Variants in KCTD16 observed in about 807,000 individuals in gnomAD.
KCTD16 encodes the protein potassium channel tetramerization domain containing 16, also known as BTB/POZ domain-containing protein KCTD16.
KCTD16 carries 13 observed loss-of-function variants against 33.2 expected under a neutral mutation model. The ratio of observed to expected loss-of-function variants is 0.39; its 90% confidence interval spans 0.25 to 0.62. The LOEUF (loss-of-function observed/expected upper bound fraction) is 0.62. Ranked by LOEUF, KCTD16 falls within the 20% of genes least tolerant of loss-of-function variation. The pLI is 0.50. For missense variants in KCTD16, 441 were observed against 525.1 expected, an observed-to-expected ratio of 0.84 and a Z score of 1.57; for synonymous variants, 197 against 195.3, an observed-to-expected ratio of 1.01 and a Z score of -0.07.
chr5:144,484,989 C>T lies in KCTD16; in HGVS notation c.*10875C>T, dbSNP rs963407696. On this transcript the variant is annotated 3_prime_UTR_variant, in exon 4 of 4. Transcript: ENST00000512467. ...GTATAAACATCATTAATTATGGACT[C>T]ACATGAATGCATGTCTACATGTCGT... 3 of 151,890 alleles carry T rather than the reference C, an allele frequency of 2.0e-5. No homozygotes were observed. Among genetic ancestry groups the T allele is most frequent in the African/African-American group, 7.2e-5 (3 of 41,394 alleles). The allele number at this position is 151,890 out of a possible 1,614,324, so 9.4% of individuals were successfully genotyped here.
At chr5:144,457,419 A>G (rs2126989515) in intron 3 of KCTD16, among the ~76,000 whole-genome samples, 1 of 152,296 alleles carries the variant, frequency 6.6e-6, no homozygotes, top group South Asian at 2.1e-4. Context: ...AGCCCTGGAG[A>G]AGGAACAACT....
chr5:144,472,956 C>T (rs1754510765), intron 3 of KCTD16, among the ~76,000 whole-genome samples: 2 of 152,324 alleles, frequency 1.3e-5, no homozygotes, highest in South Asian at 2.1e-4. Context: ...AATCTCAGCT[C>T]TGCCACTTTC....
intron 3 of KCTD16, among the ~76,000 whole-genome samples, chr5:144,409,732 G>T (rs1386785274): frequency 1.3e-5 from 2 of 152,020 alleles, no homozygotes; most frequent in South Asian, 4.2e-4. Flanking sequence ...GGTGGGAATT[G>T]CTTGAAAGCA....
rs1326254438 is a variant in KCTD16, at chr5:144,479,586, G to C, written c.*5472G>C. 6.6e-6 allele frequency: 1 copy of C among 151,794 alleles called. No individual in the cohort carries two copies. The highest frequency in any genetic ancestry group is 1.5e-5 in the Non-Finnish European group (1 of 67,870). The allele number at this position is 151,794 out of a possible 1,614,324, so 9.4% of individuals were successfully genotyped here. On this transcript the variant is annotated 3_prime_UTR_variant, in exon 4 of 4. Coordinates refer to ENST00000512467, the MANE Select transcript of KCTD16 (RefSeq NM_020768.4). The stretch of plus-strand genomic sequence containing the variant: ...AAAGTGAAGGATGTTTAATGAAACT[G>C]ATGAACATGAGCAACTAATTATGTT...
At chr5:144,254,506 G>C (rs1754792860) in intron 3 of KCTD16, among the ~76,000 whole-genome samples, 1 of 151,922 alleles carries the variant, frequency 6.6e-6, no homozygotes, top group South Asian at 2.1e-4. Context: ...TGACTTACAT[G>C]CCCTTAAAAA....
At chr5:144,241,317 T>C (rs1043117875) in intron 3 of KCTD16, among the ~76,000 whole-genome samples, 3 of 152,174 alleles carry the variant, frequency 2.0e-5, no homozygotes, top group African/African-American at 7.2e-5. Context: ...AAACACAGCT[T>C]TCATGATGGG....
chr5:144,455,429 G>A (rs1406188731), intron 3 of KCTD16, among the ~76,000 whole-genome samples: 1 of 152,130 alleles, frequency 6.6e-6, no homozygotes, highest in African/African-American at 2.4e-5. Context: ...TTCTTGTGGT[G>A]AATATCACAT....
In KCTD16 at chr5:144,207,124, G is replaced by A; in HGVS notation, c.410G>A (p.Ser137Asn). The A allele has an allele frequency of 6.2e-7, 1 of 1,610,866 alleles. No individual in the cohort carries two copies. The highest frequency in any genetic ancestry group is 8.5e-7 in the Non-Finnish European group (1 of 1,178,584). The change falls in exon 3 of 4, where the codon AGT becomes AAT. Residue 137 changes from serine to asparagine, a missense_variant. Coordinates refer to ENST00000512467, the MANE Select transcript of KCTD16 (RefSeq NM_020768.4). ...CAAAGCCCAGATGAATTCTGCCACA[G>A]TGACTTTGAAGATGCCTCCCAAGGA... Reference protein sequence around the residue: ...IKQSPDEFCHSDFEDASQGSD... With the variant: ...IKQSPDEFCHNDFEDASQGSD...
chr5:144,382,165 T>A (rs1454199533), intron 3 of KCTD16, among the ~76,000 whole-genome samples: 1 of 152,116 alleles, frequency 6.6e-6, no homozygotes, highest in East Asian at 1.9e-4. Context: ...AAATACTACA[T>A]ATTCTCACTT....
chr5:144,253,623 C>T (rs779916296), intron 3 of KCTD16, among the ~76,000 whole-genome samples: 5 of 152,080 alleles, frequency 3.3e-5, no homozygotes, highest in East Asian at 3.9e-4. Context: ...TAGAAAATAA[C>T]GGAATCATTT....
At chr5:144,389,474 T>C (rs1444610623) in intron 3 of KCTD16, among the ~76,000 whole-genome samples, 3 of 151,938 alleles carry the variant, frequency 2.0e-5, no homozygotes, top group African/African-American at 7.3e-5. Context: ...TGCCTGATGA[T>C]CGTCACTGTC....
At chr5:144,470,531 A>T (rs1232171359) in intron 3 of KCTD16, among the ~76,000 whole-genome samples, 1 of 152,180 alleles carries the variant, frequency 6.6e-6, no homozygotes, top group Non-Finnish European at 1.5e-5. Context: ...GTTTAATATA[A>T]TACATAGACT....
chr5:144,322,100 A>T (rs1043474909), intron 3 of KCTD16, among the ~76,000 whole-genome samples: 1 of 152,192 alleles, frequency 6.6e-6, no homozygotes, highest in East Asian at 1.9e-4. Context: ...GAGGGATAAG[A>T]ATAATTCTAA....
chr5:144,398,617 G>A (rs189660321), intron 3 of KCTD16, among the ~76,000 whole-genome samples: 9 of 151,868 alleles, frequency 5.9e-5, no homozygotes, highest in African/African-American at 2.2e-4. Context: ...TTTGAAGCTT[G>A]GCTACATATA....
At chr5:144,419,861 G>A (rs1753170052) in intron 3 of KCTD16, among the ~76,000 whole-genome samples, 1 of 151,960 alleles carries the variant, frequency 6.6e-6, no homozygotes, top group African/African-American at 2.4e-5. Flanking sequence ...AGAGCTTATA[G>A]CTTTTTGCAA....
intron 3 of KCTD16, among the ~76,000 whole-genome samples, chr5:144,237,874 T>C (rs1008957178): frequency 6.6e-6 from 1 of 152,086 alleles, no homozygotes; most frequent in Non-Finnish European, 1.5e-5. Context: ...AGCTGAGTGA[T>C]TTATCTGAGG....
chr5:144,284,883 C>T (rs1755702338), intron 3 of KCTD16, among the ~76,000 whole-genome samples: 1 of 152,218 alleles, frequency 6.6e-6, no homozygotes, highest in African/African-American at 2.4e-5. Context: ...TCACCATAAA[C>T]TGGTTTCCTC....
chr5:144,423,951 C>T (rs147446227), intron 3 of KCTD16, among the ~76,000 whole-genome samples: 2,404 of 152,118 alleles, frequency 0.016, 55 homozygotes, highest in African/African-American at 0.053. Flanking sequence ...AAAAAAGATC[C>T]GTGCATAATT....
At chr5:144,172,173 C>T (rs1056113598) in intron 1 of KCTD16, among the ~76,000 whole-genome samples, 31 of 137,694 alleles carry the variant, frequency 2.3e-4, no homozygotes, top group African/African-American at 9.2e-4. Context: ...ATAGCAACAA[C>T]AAAAGGATGT....
Sources: allele counts gnomAD v4.1 joint callset (sites outside exome capture counted in the v4.1 genomes callset), GRCh38; gene constraint gnomAD v4.1.1; transcripts MANE v1.5; gene names NCBI Gene and HGNC (gene_info 2026-07-23, HGNC 2026-07-21).